The following ATRNL1 variants were observed in gnomAD, a reference collection of about 807,000 sequenced individuals.
ATRNL1 encodes attractin-like protein 1.
ATRNL1 carries 95 observed loss-of-function variants against 182.7 expected under a neutral mutation model. That is an observed-to-expected ratio of 0.52 (90% CI 0.44 to 0.62). The LOEUF (loss-of-function observed/expected upper bound fraction) is 0.62, where lower values mean the gene tolerates loss of function less well. ATRNL1 is among the 20% of genes least tolerant of loss of function. The pLI, the probability that ATRNL1 is intolerant of heterozygous loss-of-function variation, is 0.00. For synonymous variants in ATRNL1, 576 were observed against 568.3 expected, an observed-to-expected ratio of 1.01 and a Z score of -0.19; for missense variants, 1,471 against 1,679.5, an observed-to-expected ratio of 0.88 and a Z score of 2.17.
intron 4 of ATRNL1, among the ~76,000 whole-genome samples, chr10:115,127,939 A>G (rs1229756529): frequency 6.6e-6 from 1 of 152,212 alleles, no homozygotes; most frequent in African/African-American, 2.4e-5. Context: ...AAAATTAATT[A>G]TGAAATTGAC....
intron 22 of ATRNL1, among the ~76,000 whole-genome samples, chr10:115,463,265 T>G (rs2134539268): frequency 6.6e-6 from 1 of 151,996 alleles, no homozygotes; most frequent in African/African-American, 2.4e-5. Flanking sequence ...AAAAGAACAG[T>G]TCATTTTACA....
At chr10:115,635,267 C>T (rs1385672605) in intron 26 of ATRNL1, among the ~76,000 whole-genome samples, 4 of 149,038 alleles carry the variant, frequency 2.7e-5, no homozygotes, top group Non-Finnish European at 4.4e-5. Context: ...ACATAAAGAA[C>T]GTTTTACAAA....
chr10:115,320,698 T>C (rs2134029188), intron 18 of ATRNL1, among the ~76,000 whole-genome samples: 1 of 152,318 alleles, frequency 6.6e-6, no homozygotes, highest in South Asian at 2.1e-4. Flanking sequence ...TTGATACTTG[T>C]GTTTGCTTCA....
At chr10:115,263,534 T>G (rs1280784179) in intron 10 of ATRNL1, among the ~76,000 whole-genome samples, 3 of 151,858 alleles carry the variant, frequency 2.0e-5, no homozygotes, top group Non-Finnish European at 4.4e-5. Context: ...TAGGTCTGAT[T>G]CTTCATTTCT....
At chr10:115,931,418 C>T (rs1359481873) in intron 28 of ATRNL1, among the ~76,000 whole-genome samples, 1 of 152,092 alleles carries the variant, frequency 6.6e-6, no homozygotes, top group Non-Finnish European at 1.5e-5. Flanking sequence ...AATGATTACT[C>T]TAATTATGGG....
At chr10:115,334,088 A>G (rs534164671) in intron 18 of ATRNL1, among the ~76,000 whole-genome samples, 194 bp from the exon 19 acceptor site, 165 of 152,320 alleles carry the variant, frequency 1.1e-3, no homozygotes, top group Non-Finnish European at 1.9e-3. Flanking sequence ...TAAAATTTCA[A>G]CACATGATTT....
intron 19 of ATRNL1, among the ~76,000 whole-genome samples, chr10:115,340,661 C>G (rs574485680): frequency 3.3e-5 from 5 of 151,466 alleles, no homozygotes; most frequent in East Asian, 3.9e-4. Context: ...AGACCCCAGG[C>G]TTTTCTTTAT....
At chr10:115,851,762 C>T (rs1438980052) in intron 28 of ATRNL1, among the ~76,000 whole-genome samples, 1 of 152,138 alleles carries the variant, frequency 6.6e-6, no homozygotes, top group Non-Finnish European at 1.5e-5. Flanking sequence ...CCACTGCAAT[C>T]CGTGCCAGAC....
At chr10:115,502,348 G>C (rs1849886255) in intron 24 of ATRNL1, among the ~76,000 whole-genome samples, 1 of 151,922 alleles carries the variant, frequency 6.6e-6, no homozygotes. Flanking sequence ...TTTATAATTT[G>C]ATTTTGGAAA....
At chr10:115,371,928 G>C (rs1424111031) in intron 19 of ATRNL1, among the ~76,000 whole-genome samples, 1 of 152,084 alleles carries the variant, frequency 6.6e-6, no homozygotes, top group Non-Finnish European at 1.5e-5. Flanking sequence ...GGAATCATGG[G>C]GACAGGTCCT....
chr10:115,498,668 T>C (rs1554979142), intron 24 of ATRNL1, among the ~76,000 whole-genome samples: 1 of 151,758 alleles, frequency 6.6e-6, no homozygotes, highest in East Asian at 1.9e-4. Flanking sequence ...TATAAGTATA[T>C]ACTTTAATAT....
intron 26 of ATRNL1, among the ~76,000 whole-genome samples, chr10:115,670,519 A>G (rs1945662299): frequency 6.6e-6 from 1 of 152,126 alleles, no homozygotes; most frequent in Non-Finnish European, 1.5e-5. Flanking sequence ...AACTTGTGTG[A>G]GTAATGTCTC....
intron 26 of ATRNL1, among the ~76,000 whole-genome samples, chr10:115,672,366 G>A (rs959000747): frequency 6.6e-6 from 1 of 152,030 alleles, no homozygotes; most frequent in Non-Finnish European, 1.5e-5. Context: ...CCAACTTATT[G>A]TATTCCTTTT....
chr10:115,205,694 A>T (rs1323039869), intron 8 of ATRNL1, among the ~76,000 whole-genome samples: 1 of 152,066 alleles, frequency 6.6e-6, no homozygotes, highest in African/African-American at 2.4e-5. Flanking sequence ...GTGTACTAAG[A>T]ATCAATATTT....
chr10:115,235,868 C>A (rs1008624729), intron 9 of ATRNL1, among the ~76,000 whole-genome samples: 3 of 151,906 alleles, frequency 2.0e-5, no homozygotes, highest in Non-Finnish European at 4.4e-5. Flanking sequence ...AGTTTTAATA[C>A]CCATTGATGA....
At chr10:115,188,057 G>A (rs1382901322) in intron 8 of ATRNL1, among the ~76,000 whole-genome samples, 3 of 147,820 alleles carry the variant, frequency 2.0e-5, no homozygotes, top group African/African-American at 7.5e-5. Context: ...GAGGGGGAGG[G>A]GGAGGGGGAG....
intron 15 of ATRNL1, among the ~76,000 whole-genome samples, chr10:115,292,778 C>G: frequency 6.6e-6 from 1 of 151,940 alleles, no homozygotes; most frequent in Non-Finnish European, 1.5e-5. Flanking sequence ...TGTGTCCTAC[C>G]ATATATGGTC....
chr10:115,145,107 G>A (rs557274069), intron 5 of ATRNL1, among the ~76,000 whole-genome samples: 4 of 152,004 alleles, frequency 2.6e-5, no homozygotes, highest in South Asian at 4.2e-4. Context: ...TGACAGTTAC[G>A]ATTATTCAAA....
At chr10:115,315,971 C>T (rs2134015922) in intron 18 of ATRNL1, among the ~76,000 whole-genome samples, 1 of 152,090 alleles carries the variant, frequency 6.6e-6, no homozygotes, top group South Asian at 2.1e-4. Context: ...TCATGATTAG[C>T]TTTCATTTCT....
Sources: gnomAD v4.1 joint callset for allele counts (sites outside exome capture counted in the v4.1 genomes callset) on GRCh38, gnomAD v4.1.1 for gene constraint, MANE v1.5 for transcripts, NCBI Gene and HGNC (gene_info 2026-07-23, HGNC 2026-07-21) for gene names.